The following PTPN13 variants were observed in gnomAD, a reference collection of about 807,000 sequenced individuals.
The protein encoded by PTPN13 is tyrosine-protein phosphatase non-receptor type 13.
A neutral mutation model predicts 284.0 loss-of-function variants in PTPN13; 191 were observed. That is an observed-to-expected ratio of 0.67 (90% CI 0.60 to 0.76). The LOEUF (loss-of-function observed/expected upper bound fraction) is 0.76. Ranked by LOEUF, PTPN13 falls within the 30% of genes least tolerant of loss-of-function variation. The pLI is 0.00. For missense variants in PTPN13, 2,797 were observed against 2,939.9 expected (o/e 0.95, Z 1.12); for synonymous variants, 986 against 1,022.3 (o/e 0.96, Z 0.68).
chr4:86,667,482 A>G (rs1195122022), intron 2 of PTPN13, among the ~76,000 whole-genome samples: 1 of 152,208 alleles, frequency 6.6e-6, no homozygotes, highest in Non-Finnish European at 1.5e-5. Context: ...AGCATATACT[A>G]CAATTTCCAG....
At chr4:86,761,570 C>G (rs1738704388) in intron 23 of PTPN13, among the ~76,000 whole-genome samples, 1 of 152,126 alleles carries the variant, frequency 6.6e-6, no homozygotes, top group African/African-American at 2.4e-5. Flanking sequence ...CTCCTCATAC[C>G]ATCAGTGGTG....
At chr4:86,755,463 A>C (rs1302640988) in intron 20 of PTPN13, among the ~76,000 whole-genome samples, 3 of 152,000 alleles carry the variant, frequency 2.0e-5, no homozygotes, top group African/African-American at 4.8e-5. Context: ...TTCTTGTTTT[A>C]CTGTAATTAT....
intron 2 of PTPN13, among the ~76,000 whole-genome samples, chr4:86,668,011 A>G (rs957570770): frequency 1.3e-5 from 2 of 152,342 alleles, no homozygotes; most frequent in South Asian, 2.1e-4. Context: ...AGTTTAAAAG[A>G]ACATTGGAAA....
intron 1 of PTPN13, among the ~76,000 whole-genome samples, chr4:86,614,725 A>G (rs772022807): frequency 6.6e-6 from 1 of 152,152 alleles, no homozygotes; most frequent in Non-Finnish European, 1.5e-5. Flanking sequence ...AAATCTCAGT[A>G]CTAAAGGAAT....
At position 86,701,819 on chromosome 4, in the gene PTPN13, T is replaced by C. The variant is rs779814300; in HGVS notation, c.1195+18T>C. The C allele has an allele frequency of 6.4e-7, 1 of 1,556,248 alleles. No homozygotes were observed. Among genetic ancestry groups the C allele is most frequent in the Non-Finnish European group, 8.7e-7 (1 of 1,150,512 alleles). ...TGTAGAAGGTTAGTAATTCTGTGCATGTTTGAGAAAGAATTGAAGTATTTT... is the reference window on the plus strand; with the variant it reads ...TGTAGAAGGTTAGTAATTCTGTGCACGTTTGAGAAAGAATTGAAGTATTTT... On this transcript the variant is annotated intron_variant, in intron 7 of 47. Transcript: ENST00000411767.
chr4:86,809,913 G>A lies in PTPN13; in HGVS notation c.7228G>A (p.Ala2410Thr). Residue 2410 changes from alanine to threonine, a missense_variant, in exon 46 of 48, where the codon GCT (alanine) becomes ACT (threonine). Physicochemically the swap from Ala to Thr is moderately conservative, Grantham distance 58. Coordinates refer to ENST00000411767, the MANE Select transcript of PTPN13 (RefSeq NM_080683.3). ...AGGCCCAATCATTACGCACTGCAGT[G>A]CTGGCATTGGACGTTCAGGGACCCT... is the stretch of plus-strand genomic sequence containing the variant. ...RSGPIITHCS[A>T]GIGRSGTLIC... 6.2e-7 allele frequency: 1 copy of A among 1,613,984 alleles called. No homozygotes were observed. Among genetic ancestry groups the A allele is most frequent in the Non-Finnish European group, 8.5e-7 (1 of 1,179,886 alleles).
At chr4:86,786,274 A>G (rs1418274900) in intron 40 of PTPN13, among the ~76,000 whole-genome samples, 1 of 152,178 alleles carries the variant, frequency 6.6e-6, no homozygotes. Context: ...GATAAATTAT[A>G]TTTCAGGTTC....
chr4:86,598,076 C>G (rs1005751210), intron 1 of PTPN13, among the ~76,000 whole-genome samples: 4 of 151,914 alleles, frequency 2.6e-5, no homozygotes, highest in African/African-American at 9.7e-5. Flanking sequence ...AAATATGTAT[C>G]CAAATCCTAG....
chr4:86,737,237 C>CAAATA (rs200892673), intron 15 of PTPN13, among the ~76,000 whole-genome samples: 12,012 of 147,992 alleles, frequency 0.081, 621 homozygotes, highest in Non-Finnish European at 0.11. Context: ...GACCCCATCT[C>CAAATA]AAATAAAATA....
intron 37 of PTPN13, 150 bp from the exon 38 acceptor site, chr4:86,784,315 T>G (rs902608820): frequency 3.7e-6 from 2 of 542,718 alleles, no homozygotes; most frequent in African/African-American, 3.9e-5. Context: ...TTAATTGCAC[T>G]GATATTTCCT....
chr4:86,670,081 G>GA (rs1455857318), intron 2 of PTPN13, among the ~76,000 whole-genome samples: 4 of 149,900 alleles, frequency 2.7e-5, no homozygotes, highest in Admixed American at 6.7e-5. Context: ...GAAGAATCTG[G>GA]AAAAAAATAA....
In PTPN13 at chr4:86,638,340, T is replaced by C. The variant is rs182734597; in HGVS notation, c.115+2969T>C. 1.1e-4 allele frequency among the ~76,000 whole-genome samples: 16 copies of C among 152,206 alleles called. No individual in the cohort carries two copies. The East Asian group carries it at 2.7e-3, about 26-fold the overall frequency. ...TAGGAAAAAACTACTTTAAAGTTCA[T>C]ATGGAACCAAAAAAGAGCCTGCATC... On this transcript the variant is annotated intron_variant, in intron 2 of 47. Coordinates refer to ENST00000411767, the MANE Select transcript of PTPN13 (RefSeq NM_080683.3).
intron 9 of PTPN13, 88 bp from the exon 10 acceptor site, chr4:86,722,124 C>T (rs1733736327): frequency 9.1e-7 from 1 of 1,099,328 alleles, no homozygotes; most frequent in African/African-American, 1.6e-5. Flanking sequence ...TAAACTCTTG[C>T]AACCTTACTT....
intron 3 of PTPN13, among the ~76,000 whole-genome samples, chr4:86,675,238 G>A (rs994226547): frequency 2.6e-5 from 4 of 152,144 alleles, no homozygotes; most frequent in African/African-American, 4.8e-5. Context: ...TCATGTTAAA[G>A]TTGATTTCTT....
At chr4:86,644,866 G>T (rs971157850) in intron 2 of PTPN13, among the ~76,000 whole-genome samples, 1 of 152,056 alleles carries the variant, frequency 6.6e-6, no homozygotes, top group African/African-American at 2.4e-5. Context: ...TTTAATAGAT[G>T]CAGAAAAACA....
chr4:86,654,321 A>T (rs184052673), intron 2 of PTPN13, among the ~76,000 whole-genome samples: 1 of 152,312 alleles, frequency 6.6e-6, no homozygotes, highest in Admixed American at 6.5e-5. Flanking sequence ...AATAGACACA[A>T]TAAAAAATGA....
intron 2 of PTPN13, among the ~76,000 whole-genome samples, chr4:86,637,104 A>T (rs1340052032): frequency 6.6e-6 from 1 of 152,152 alleles, no homozygotes; most frequent in Non-Finnish European, 1.5e-5. Flanking sequence ...TCCTCGACAC[A>T]TACACTCTCC....
At chr4:86,666,714 A>G (rs1370728158) in intron 2 of PTPN13, among the ~76,000 whole-genome samples, 1 of 152,194 alleles carries the variant, frequency 6.6e-6, no homozygotes, top group Non-Finnish European at 1.5e-5. Context: ...AGGAGGCGAT[A>G]TCTGATTTAC....
intron 41 of PTPN13, among the ~76,000 whole-genome samples, chr4:86,797,512 A>G (rs1743485591): frequency 1.3e-5 from 2 of 152,070 alleles, no homozygotes; most frequent in South Asian, 4.1e-4. Context: ...AGAAAGAAAA[A>G]AAGTTTTAAA....
Sources: allele counts gnomAD v4.1 joint callset (sites outside exome capture counted in the v4.1 genomes callset), GRCh38; gene constraint gnomAD v4.1.1; transcripts MANE v1.5; gene names NCBI Gene and HGNC (gene_info 2026-07-23, HGNC 2026-07-21).